The following G3BP2 variants were observed in gnomAD, a reference collection of about 807,000 sequenced individuals.
G3BP2 encodes G3BP stress granule assembly factor 2.
Under a neutral mutation model 56.7 loss-of-function variants are expected in G3BP2, and 11 were observed. That is an observed-to-expected ratio of 0.19 (90% CI 0.12 to 0.32). The LOEUF is 0.32. G3BP2 is among the 10% of genes least tolerant of loss of function. The probability of loss-of-function intolerance (pLI) is 1.00; values close to 1 mark genes in which losing one functional copy is unlikely to be tolerated. For missense variants in G3BP2, 340 were observed against 610.9 expected, an observed-to-expected ratio of 0.56 and a Z score of 4.67; for synonymous variants, 165 against 191.6, an observed-to-expected ratio of 0.86 and a Z score of 1.15.
In G3BP2 at chr4:75,645,646, A is replaced by G; in HGVS notation, c.1233T>C (p.Ala411=). The change falls in exon 12 of 12, where the codon GCT becomes GCC. Residue 411 remains alanine, a synonymous_variant. Transcript: ENST00000359707. The stretch of plus-strand genomic sequence containing the variant: ...CACCTCTGGTTTCTCGCTCTCTTGC[A>G]GCTCTTGTTTTTTTCTCTTCCACAT... ...RLNVEEKKTR[A]ARERETRGGG... is the part of the protein sequence containing the mutation. The G allele has an allele frequency of 6.2e-7, 1 of 1,613,820 alleles. No homozygotes were observed. The highest frequency in any genetic ancestry group is 8.5e-7 in the Non-Finnish European group (1 of 1,179,914).
chr4:75,678,143 T>G (rs1733944500), upstream of G3BP2, among the ~76,000 whole-genome samples: 1 of 151,734 alleles, frequency 6.6e-6, no homozygotes, highest in Non-Finnish European at 1.5e-5. Flanking sequence ...GAAGGGTGGT[T>G]TTGTTGTTGT....
At position 75,644,483 on chromosome 4, in the gene G3BP2, A is replaced by T. The variant is rs1429545542; in HGVS notation, c.*947T>A. ...GGCTTTGCAGCACAGCAATTCATAC[A>T]CTATACTGTACAAAATTACCAGCAA... On this transcript the variant is annotated 3_prime_UTR_variant, in exon 12 of 12. Coordinates refer to ENST00000359707, the MANE Select transcript of G3BP2 (RefSeq NM_203505.3). 6.5e-6 allele frequency: 1 copy of T among 152,672 alleles called. No homozygotes were observed. The highest frequency in any genetic ancestry group is 1.5e-5 in the Non-Finnish European group (1 of 68,036). The allele number at this position is 152,672 out of a possible 1,614,324, so 9.5% of individuals were successfully genotyped here.
At chr4:75,677,231 A>G (rs1733907355), upstream of G3BP2, among the ~76,000 whole-genome samples, 1 of 152,172 alleles carries the variant, frequency 6.6e-6, no homozygotes, top group Non-Finnish European at 1.5e-5. Flanking sequence ...TAAAAGATCA[A>G]CCAAGTCCAT....
chr4:75,711,220 G>A (rs1344723176), intron 3 of G3BP2, among the ~76,000 whole-genome samples: 7 of 151,898 alleles, frequency 4.6e-5, no homozygotes, highest in Admixed American at 6.6e-5. Flanking sequence ...TTGGGAGGCT[G>A]AGGTGGGAGA....
chr4:75,649,599 G>A (rs1731516129), intron 8 of G3BP2, among the ~76,000 whole-genome samples: 1 of 152,086 alleles, frequency 6.6e-6, no homozygotes, highest in Non-Finnish European at 1.5e-5. Context: ...AACCTCTTCA[G>A]ACCTTCTACT....
Position 75,694,058 on chromosome 4 carries a change from C to T in G3BP2, c.-25+26819G>A, listed in dbSNP as rs563372524. On this transcript the variant is annotated intron_variant, in intron 3 of 3. Coordinates refer to the G3BP2 transcript ENST00000499709. ...GCCCAGCCATATCTGAGGTTTCAAT[C>T]CCTGCTAAAGAGACAGGGCTTCCCT... is the stretch of plus-strand genomic sequence containing the variant. 2.6e-5 allele frequency among the ~76,000 whole-genome samples: 4 copies of T among 152,230 alleles called. No individual in the cohort carries two copies. In the South Asian group the frequency reaches 8.3e-4, roughly 32 times the overall value.
At chr4:75,671,147 G>A (rs528202918) in intron 1 of G3BP2, among the ~76,000 whole-genome samples, 2 of 152,302 alleles carry the variant, frequency 1.3e-5, no homozygotes, top group East Asian at 3.9e-4. Context: ...TATAAAACAA[G>A]TGTCTACCAG....
chr4:75,679,730 A>G (rs1734002986), intron 3 of G3BP2, among the ~76,000 whole-genome samples: 1 of 152,228 alleles, frequency 6.6e-6, no homozygotes, highest in Non-Finnish European at 1.5e-5. Flanking sequence ...AAATCAACAT[A>G]CAAAGAATCA....
chr4:75,663,546 A>G (rs1732737007), intron 1 of G3BP2, among the ~76,000 whole-genome samples: 1 of 152,080 alleles, frequency 6.6e-6, no homozygotes, highest in Non-Finnish European at 1.5e-5. Context: ...GCCACAAACA[A>G]AACTTATCAT....
At chr4:75,662,920 A>G (rs1040824132) in intron 1 of G3BP2, among the ~76,000 whole-genome samples, 2 of 152,328 alleles carry the variant, frequency 1.3e-5, no homozygotes, top group African/African-American at 4.8e-5. Flanking sequence ...GTGTTTTTGT[A>G]TTCTCTTTCC....
chr4:75,702,276 C>T (rs573985298), intron 3 of G3BP2, among the ~76,000 whole-genome samples: 16 of 150,260 alleles, frequency 1.1e-4, no homozygotes, highest in South Asian at 4.2e-4. Context: ...CCCAAGTAGC[C>T]GGGCTTACGG....
chr4:75,656,886 A>G (rs745714870), intron 5 of G3BP2, 38 bp downstream of exon 5: 5 of 927,664 alleles, frequency 5.4e-6, no homozygotes. Context: ...GAGTACCAAC[A>G]GAACCCTTCT....
chr4:75,669,850 C>T (rs931197016), intron 1 of G3BP2, among the ~76,000 whole-genome samples: 14 of 152,072 alleles, frequency 9.2e-5, no homozygotes, highest in African/African-American at 2.7e-4. Context: ...TCTAGCACTT[C>T]GGGAGGCCGA....
At chr4:75,705,731 G>A (rs951414359) in intron 3 of G3BP2, among the ~76,000 whole-genome samples, 6 of 152,124 alleles carry the variant, frequency 3.9e-5, no homozygotes, top group African/African-American at 1.2e-4. Context: ...TGAGCTAGGC[G>A]GGGGCCTTAA....
Position 75,662,069 on chromosome 4 carries a change from A to G in G3BP2, c.-24-20T>C. On this transcript the variant is annotated intron_variant, in intron 1 of 11. Coordinates refer to ENST00000359707, the MANE Select transcript of G3BP2 (RefSeq NM_203505.3). Reference sequence around the variant, plus strand: ...CAAATGCTGAGGGAGCAAACACAAGAATAACTATTAAAAAGTCATCTTTGT... The same window carrying G: ...CAAATGCTGAGGGAGCAAACACAAGGATAACTATTAAAAAGTCATCTTTGT... 1 of 1,307,474 alleles carries G rather than the reference A, an allele frequency of 7.6e-7. No individual in the cohort carries two copies. The highest frequency in any genetic ancestry group is 1.1e-6 in the Non-Finnish European group (1 of 916,098). The allele number at this position is 1,307,474 out of a possible 1,614,324, so 81.0% of individuals were successfully genotyped here.
chr4:75,718,631 T>A, intron 3 of G3BP2, among the ~76,000 whole-genome samples: 1 of 152,194 alleles, frequency 6.6e-6, no homozygotes, highest in East Asian at 1.9e-4. Context: ...TGCTTTGAGA[T>A]GAGATGAAGA....
intron 3 of G3BP2, among the ~76,000 whole-genome samples, chr4:75,678,986 A>C (rs1733977479): frequency 1.3e-5 from 2 of 152,224 alleles, no homozygotes; most frequent in South Asian, 4.1e-4. Context: ...TTTGTTCTGA[A>C]GTAACAACTT....
At chr4:75,671,333 T>C (rs1488801853) in intron 1 of G3BP2, among the ~76,000 whole-genome samples, 1 of 152,196 alleles carries the variant, frequency 6.6e-6, no homozygotes, top group East Asian at 1.9e-4. Context: ...AAATGTTCAA[T>C]CCTAATTATG....
At chr4:75,722,560 G>C (rs748928900) in intron 1 of G3BP2, among the ~76,000 whole-genome samples, 5 of 152,138 alleles carry the variant, frequency 3.3e-5, no homozygotes, top group Admixed American at 1.3e-4. Context: ...TTCAGGGAGG[G>C]GTGAGGCTTA....
Sources: gnomAD v4.1 joint callset for allele counts (sites outside exome capture counted in the v4.1 genomes callset) on GRCh38, gnomAD v4.1.1 for gene constraint, MANE v1.5 for transcripts, NCBI Gene and HGNC (gene_info 2026-07-23, HGNC 2026-07-21) for gene names.